POFUT3: variants seen among roughly 807,000 people sequenced by gnomAD.
POFUT3 encodes GDP-fucose protein O-fucosyltransferase 3.
the POFUT3 span, among the ~76,000 whole-genome samples, chr8:33,332,178 G>A: frequency 1.4e-5 from 2 of 146,004 alleles, no homozygotes; most frequent in Non-Finnish European, 3.0e-5. Flanking sequence ...AGGAGGAGGA[G>A]GAGGAAAAAA....
the POFUT3 span, chr8:33,453,397 T>C: frequency 1.2e-6 from 2 of 1,614,200 alleles, no homozygotes; most frequent in East Asian, 4.5e-5. Context: ...TCAATCCTTC[T>C]TTCTTAAGAA....
the POFUT3 span, among the ~76,000 whole-genome samples, chr8:33,346,514 T>C: frequency 6.6e-6 from 1 of 152,244 alleles, no homozygotes; most frequent in East Asian, 1.9e-4. Context: ...ATCATTCTGT[T>C]TCTTTTCAGA....
chr8:33,436,842 G>T, the POFUT3 span: 1 of 416,780 alleles, frequency 2.4e-6, no homozygotes. Context: ...CTGAAGTTTA[G>T]GGTATGAATG....
At chr8:33,387,186 A>G in the POFUT3 span, among the ~76,000 whole-genome samples, 2 of 152,176 alleles carry the variant, frequency 1.3e-5, 1 homozygote, top group Admixed American at 1.3e-4. Flanking sequence ...ATCAGGAAGC[A>G]TTCTCTGAGA....
chr8:33,454,104 G>A, the POFUT3 span, among the ~76,000 whole-genome samples: 1 of 152,166 alleles, frequency 6.6e-6, no homozygotes, highest in African/African-American at 2.4e-5. Context: ...TCCAGCCTGG[G>A]CAACAGAGCA....
chr8:33,470,232 T>G, the POFUT3 span, among the ~76,000 whole-genome samples: 1 of 76,114 alleles, frequency 1.3e-5, no homozygotes, highest in Non-Finnish European at 2.2e-5. Context: ...AGAACCCATC[T>G]CTACAAAAAA....
At chr8:33,341,751 A>G in the POFUT3 span, among the ~76,000 whole-genome samples, 1,965 of 152,288 alleles carry the variant, frequency 0.013, 44 homozygotes, top group African/African-American at 0.045. Context: ...ATGACATTGA[A>G]AACAGAAAAA....
At chr8:33,409,228 A>C in the POFUT3 span, among the ~76,000 whole-genome samples, 1 of 152,040 alleles carries the variant, frequency 6.6e-6, no homozygotes, top group Non-Finnish European at 1.5e-5. Context: ...TCAGCCTCCC[A>C]AGTAGCTGGG....
the POFUT3 span, among the ~76,000 whole-genome samples, chr8:33,375,170 G>A: frequency 3.9e-5 from 6 of 152,026 alleles, no homozygotes; most frequent in East Asian, 1.2e-3. Context: ...GGGAGTACAG[G>A]CACGAGCCAC....
chr8:33,427,349 G>A, the POFUT3 span, among the ~76,000 whole-genome samples: 6 of 151,740 alleles, frequency 4.0e-5, no homozygotes, highest in East Asian at 7.8e-4. Context: ...AGGCCGAGGC[G>A]GGCAGATCAT....
chr8:33,379,986 A>ATATATAC, the POFUT3 span, among the ~76,000 whole-genome samples: 1 of 85,206 alleles, frequency 1.2e-5, no homozygotes, highest in African/African-American at 5.8e-5. Flanking sequence ...CACTCTATAT[A>ATATATAC]TATAGTATAT....
the POFUT3 span, among the ~76,000 whole-genome samples, chr8:33,429,331 C>A: frequency 3.9e-5 from 6 of 151,998 alleles, no homozygotes; most frequent in African/African-American, 1.4e-4. Flanking sequence ...TCACCCCTCT[C>A]CCTGCCAAAA....
chr8:33,310,572 T>C, the POFUT3 span, among the ~76,000 whole-genome samples: 1 of 151,518 alleles, frequency 6.6e-6, no homozygotes, highest in Non-Finnish European at 1.5e-5. Context: ...TAGCATCCAG[T>C]CCCAGCTACT....
chr8:33,443,131 A>G, the POFUT3 span, among the ~76,000 whole-genome samples: 1 of 152,192 alleles, frequency 6.6e-6, no homozygotes, highest in African/African-American at 2.4e-5. Context: ...AAAAGAAAGA[A>G]AGAATTATGT....
chr8:33,376,213 C>A, the POFUT3 span, among the ~76,000 whole-genome samples: 1 of 150,012 alleles, frequency 6.7e-6, no homozygotes. Flanking sequence ...ATATATTTTT[C>A]TTAAAAAAAA....
the POFUT3 span, among the ~76,000 whole-genome samples, chr8:33,386,647 A>G: frequency 2.0e-5 from 3 of 152,092 alleles, no homozygotes; most frequent in African/African-American, 7.2e-5. Flanking sequence ...CGTCTCTACT[A>G]AAAATACAAA....
chr8:33,451,554 G>T, the POFUT3 span, among the ~76,000 whole-genome samples: 2 of 151,754 alleles, frequency 1.3e-5, no homozygotes, highest in African/African-American at 4.8e-5. Context: ...GCATAAATGT[G>T]TATGTATGTG....
chr8:33,425,982 C>T, the POFUT3 span, among the ~76,000 whole-genome samples: 1 of 152,022 alleles, frequency 6.6e-6, no homozygotes, highest in Non-Finnish European at 1.5e-5. Flanking sequence ...CGGCTCACTG[C>T]AGCCACCGCC....
At chr8:33,418,296 G>A in the POFUT3 span, among the ~76,000 whole-genome samples, 1 of 151,960 alleles carries the variant, frequency 6.6e-6, no homozygotes, top group African/African-American at 2.4e-5. Flanking sequence ...CCCAACTGGA[G>A]GACAAAATGC....
Sources: allele counts gnomAD v4.1 joint callset (sites outside exome capture counted in the v4.1 genomes callset), GRCh38; gene constraint gnomAD v4.1.1; transcripts MANE v1.5; gene names NCBI Gene and HGNC (gene_info 2026-07-23, HGNC 2026-07-21).